The following ARHGAP24 variants were observed in gnomAD, a reference collection of about 807,000 sequenced individuals.
ARHGAP24 encodes rho GTPase-activating protein 24.
In ARHGAP24, 50 loss-of-function variants were observed where a neutral mutation model predicts 76.4. The ratio of observed to expected loss-of-function variants is 0.65; its 90% CI spans 0.52 to 0.83. ARHGAP24 has a LOEUF of 0.83. ARHGAP24 is among the 40% of genes least tolerant of loss of function. ARHGAP24 has a pLI of 0.00. For missense variants in ARHGAP24, 930 were observed against 914.2 expected (o/e 1.02, Z -0.22); for synonymous variants, 345 against 323.3 (o/e 1.07, Z -0.72).
At chr4:85,659,647 C>T (rs1296932525) in intron 2 of ARHGAP24, among the ~76,000 whole-genome samples, 1 of 152,114 alleles carries the variant, frequency 6.6e-6, no homozygotes, top group Non-Finnish European at 1.5e-5. Flanking sequence ...TTTTGATGAA[C>T]ACATTATATA....
intron 2 of ARHGAP24, among the ~76,000 whole-genome samples, chr4:85,687,026 G>A (rs1403498678): frequency 6.6e-6 from 1 of 151,942 alleles, no homozygotes; most frequent in Admixed American, 6.6e-5. Context: ...GGAGGGGGGA[G>A]AAAACATACC....
intron 1 of ARHGAP24, among the ~76,000 whole-genome samples, chr4:85,530,565 C>T (rs548809809): frequency 7.3e-6 from 1 of 137,068 alleles, no homozygotes; most frequent in East Asian, 2.1e-4. Flanking sequence ...AATAAACACT[C>T]ACATAATAAT....
intron 2 of ARHGAP24, among the ~76,000 whole-genome samples, chr4:85,699,891 T>C (rs1024755373): frequency 5.3e-5 from 8 of 152,178 alleles, no homozygotes; most frequent in Admixed American, 6.5e-5. Flanking sequence ...ATAGTAGGCA[T>C]TTAATATATA....
rs1303284066 is a variant in ARHGAP24 at position 85,782,060 on chromosome 4, AAAG to A, written c.268+60091_268+60093del. 9.6e-4 allele frequency among the ~76,000 whole-genome samples: 21 copies of A among 21,884 alleles called. 1 individual carries two copies. Among genetic ancestry groups the A allele is most frequent in the East Asian group, 0.011 (1 of 94 alleles). The allele number at this position is 21,884 out of a possible 152,430, so 14.4% of individuals were successfully genotyped here. A position where few individuals can be genotyped will look rare whatever the true frequency, so the allele number is the denominator to read the frequency against. On this transcript the variant is annotated intron_variant, in intron 3 of 9. Transcript: ENST00000395184. ...TCAAAAAAAAAAAAAAAGAAAAAAA[AAAG>A]AAAAAAAAAACAATTGTCTAGAAAT...
intron 2 of ARHGAP24, among the ~76,000 whole-genome samples, chr4:85,603,163 A>T (rs182554124): frequency 5.3e-5 from 8 of 152,358 alleles, no homozygotes; most frequent in Non-Finnish European, 1.2e-4. Context: ...ATTTTTACAT[A>T]ATTAACATAG....
At chr4:85,799,375 G>A (rs1287876042) in intron 3 of ARHGAP24, among the ~76,000 whole-genome samples, 1 of 152,010 alleles carries the variant, frequency 6.6e-6, no homozygotes, top group Admixed American at 6.6e-5. Flanking sequence ...ACTTGAAAGA[G>A]CTTCTAATGT....
intron 2 of ARHGAP24, among the ~76,000 whole-genome samples, chr4:85,675,513 T>C (rs1372354190): frequency 1.3e-5 from 2 of 152,186 alleles, no homozygotes; most frequent in African/African-American, 4.8e-5. Context: ...GAAGGGTCTG[T>C]GAGACACTGG....
At chr4:85,969,466 CTTAT>C (rs1386426311) in intron 5 of ARHGAP24, among the ~76,000 whole-genome samples, 10 of 151,590 alleles carry the variant, frequency 6.6e-5, no homozygotes, top group African/African-American at 2.4e-4. Context: ...GAAATATATA[CTTAT>C]TTATTTTATA....
rs116743640 is a variant in ARHGAP24, at chr4:85,520,132, A to G, written c.-21+44573A>G. 7.7e-3 allele frequency among the ~76,000 whole-genome samples: 1,180 copies of G among 152,320 alleles called. 11 individuals carry two copies. Among genetic ancestry groups the G allele is most frequent in the Non-Finnish European group, 0.014 (984 of 68,008 alleles). Reference sequence around the variant, plus strand: ...CTTTCTCATCATAAACCAGCTATACAAGACAAATAGTGTGTATAAAAGAGG... The same window carrying G: ...CTTTCTCATCATAAACCAGCTATACGAGACAAATAGTGTGTATAAAAGAGG... On this transcript the variant is annotated intron_variant, in intron 1 of 9. Coordinates refer to ENST00000395184, the MANE Select transcript of ARHGAP24 (RefSeq NM_001025616.3).
chr4:85,880,524 T>G (rs1183221804), intron 3 of ARHGAP24, among the ~76,000 whole-genome samples: 1 of 376 alleles, frequency 2.7e-3, no homozygotes, highest in African/African-American at 0.01. Flanking sequence ...AACTTTTGTG[T>G]GTGTGTGTGT....
chr4:85,508,712 A>G (rs939914801), intron 1 of ARHGAP24, among the ~76,000 whole-genome samples: 2 of 152,164 alleles, frequency 1.3e-5, no homozygotes, highest in Admixed American at 1.3e-4. Context: ...GCATATCTTA[A>G]TAAACCACTG....
At chr4:85,890,802 G>C (rs4348086) in intron 3 of ARHGAP24, among the ~76,000 whole-genome samples, 117,557 of 151,998 alleles carry the variant, frequency 0.77, 46,058 homozygotes, top group Middle Eastern at 0.82. Flanking sequence ...GAATTGTTTT[G>C]AAAGATTTTT....
chr4:85,570,994 A>G (rs934540259), intron 2 of ARHGAP24: 5 of 325,034 alleles, frequency 1.5e-5, no homozygotes, highest in Non-Finnish European at 2.3e-5. Context: ...AACTTAGTTC[A>G]TGAGAAAATT....
chr4:85,859,214 C>T (rs966279412), intron 3 of ARHGAP24, among the ~76,000 whole-genome samples: 2 of 141,468 alleles, frequency 1.4e-5, no homozygotes, highest in South Asian at 4.7e-4. Context: ...CACATGCATA[C>T]ACACACACAC....
intron 3 of ARHGAP24, among the ~76,000 whole-genome samples, chr4:85,887,190 A>C (rs545353534): frequency 6.6e-6 from 1 of 152,262 alleles, no homozygotes; most frequent in South Asian, 2.1e-4. Context: ...ATTATTTAAT[A>C]ATTGTTTTTC....
intron 3 of ARHGAP24, among the ~76,000 whole-genome samples, chr4:85,782,542 C>T (rs1428479464): frequency 1.3e-5 from 2 of 152,120 alleles, no homozygotes; most frequent in African/African-American, 4.8e-5. Context: ...GAATTCAGCC[C>T]CTTATAAACT....
At chr4:85,964,274 G>A (rs145840525) in intron 5 of ARHGAP24, among the ~76,000 whole-genome samples, 57 of 152,018 alleles carry the variant, frequency 3.7e-4, no homozygotes, top group African/African-American at 1.3e-3. Flanking sequence ...TGTGTAAATG[G>A]TGAGGCCATC....
In ARHGAP24 at chr4:85,634,149, A is replaced by G. The variant is rs1006129934; in HGVS notation, c.180+63428A>G. On this transcript the variant is annotated intron_variant, in intron 2 of 9. Transcript: ENST00000395184. Reference sequence around the variant, plus strand: ...AGTCCCCTTTCAATCAGTGAATGTTATATATTGATGTACATAATATGCAAT... The same window carrying G: ...AGTCCCCTTTCAATCAGTGAATGTTGTATATTGATGTACATAATATGCAAT... Among the ~76,000 whole-genome samples, 7 of 152,014 alleles carry G rather than the reference A, an allele frequency of 4.6e-5. No individual in the cohort carries two copies. The South Asian group carries it at 8.3e-4, about 18-fold the overall frequency.
At chr4:85,653,707 A>G (rs2109983773) in intron 2 of ARHGAP24, among the ~76,000 whole-genome samples, 1 of 151,944 alleles carries the variant, frequency 6.6e-6, no homozygotes, top group African/African-American at 2.4e-5. Context: ...CTGGCCTCCA[A>G]CTCCTTACCT....
Sources: allele counts gnomAD v4.1 joint callset (sites outside exome capture counted in the v4.1 genomes callset), GRCh38; gene constraint gnomAD v4.1.1; transcripts MANE v1.5; gene names NCBI Gene and HGNC (gene_info 2026-07-23, HGNC 2026-07-21).